The following ZSCAN1 variants were observed in gnomAD, a reference collection of about 807,000 sequenced individuals.
The protein encoded by ZSCAN1 is zinc finger and SCAN domain-containing protein 1.
In ZSCAN1, 23 loss-of-function variants were observed where a neutral mutation model predicts 23.8. The ratio of observed to expected loss-of-function variants is 0.97; its 90% CI spans 0.70 to 1.37. The LOEUF is 1.37. Among genes scored for constraint, ZSCAN1 ranks in the 40% most tolerant of loss-of-function variants. The pLI, the probability that ZSCAN1 is intolerant of heterozygous loss-of-function variation, is 0.00. For missense variants in ZSCAN1, 575 were observed against 554.0 expected (o/e 1.04, Z -0.38); for synonymous variants, 236 against 232.3 (o/e 1.02, Z -0.15).
Position 58,045,695 on chromosome 19 carries a change from C to A in ZSCAN1, c.465+5151C>A, listed in dbSNP as rs1162661931. On this transcript the variant is annotated intron_variant, in intron 4 of 5. Coordinates refer to ENST00000282326, the MANE Select transcript of ZSCAN1 (RefSeq NM_182572.4). This position sits in a 1 kb window ranked among gnomAD's most constrained non-coding sequence, Gnocchi z 4.3. ...AGCCTGAACGTCAAGGAGCTGCAGG[C>A]GGCATGTCGGGCACGAGGCATGCGG... The A allele has an allele frequency of 2.1e-6, 2 of 942,758 alleles. No homozygotes were observed. Among genetic ancestry groups the A allele is most frequent in the East Asian group, 2.4e-5 (1 of 41,404 alleles). The allele number at this position is 942,758 out of a possible 1,614,324, so 58.4% of individuals were successfully genotyped here. A position where few individuals can be genotyped will look rare whatever the true frequency, so the allele number is the denominator to read the frequency against.
chr19:58,036,488 CA>C (rs1372244636), intron 2 of ZSCAN1, among the ~76,000 whole-genome samples: 2 of 150,210 alleles, frequency 1.3e-5, no homozygotes, highest in Non-Finnish European at 3.0e-5. Flanking sequence ...GGAAAATGTA[CA>C]AAAGGTAACT....
intron 3 of ZSCAN1, among the ~76,000 whole-genome samples, chr19:58,039,432 A>C (rs144699134): frequency 6.6e-6 from 1 of 151,838 alleles, no homozygotes; most frequent in Non-Finnish European, 1.5e-5. Flanking sequence ...TTTTGAGCCT[A>C]TGAAACAGTA....
At chr19:58,038,416 G>T (rs535753482) in intron 3 of ZSCAN1, 1 of 654,548 alleles carries the variant, frequency 1.5e-6, no homozygotes, top group Non-Finnish European at 2.6e-6. Context: ...TCACTCAGTC[G>T]GTGATTAAAG....
In ZSCAN1 at chr19:58,052,623, T is replaced by TGCTGGGTGAGTCTGGCTC; in HGVS notation, c.600_604+13dup. 1.3e-6 allele frequency: 2 copies of TGCTGGGTGAGTCTGGCTC among 1,598,942 alleles called. No homozygotes were observed. Among genetic ancestry groups the TGCTGGGTGAGTCTGGCTC allele is most frequent in the Non-Finnish European group, 1.7e-6 (2 of 1,171,948 alleles). ...GCCGAAGCGCCCCGCGCCCCTGGCT[T>TGCTGGGTGAGTCTGGCTC]GCTGGGTGAGTCTGGCTCCTGTGTG... On this transcript the variant is annotated inframe_insertion, in exon 5 of 6. Coordinates refer to ENST00000282326, the MANE Select transcript of ZSCAN1 (RefSeq NM_182572.4).
rs371426023 is a variant in ZSCAN1 at position 58,040,719 on chromosome 19, C to T, written c.465+175C>T. On this transcript the variant is annotated intron_variant, in intron 4 of 5. Coordinates refer to ENST00000282326, the MANE Select transcript of ZSCAN1 (RefSeq NM_182572.4). The surrounding 1 kb of genome is among the most constrained non-coding windows in gnomAD (Gnocchi z 5.8). ...CACAGATTCCCCAAGCTTCCTGGGG[C>T]TCAGTGCTGGGCGAGGGCAGTCAGT... Among the ~76,000 whole-genome samples the T allele has an allele frequency of 1.1e-4, 16 of 152,230 alleles. No homozygotes were observed. Among genetic ancestry groups the T allele is most frequent in the African/African-American group, 3.6e-4 (15 of 41,468 alleles).
rs372170384 is a variant in ZSCAN1, at chr19:58,037,890, C to A, written c.54C>A (p.Thr18=). 3.2e-5 allele frequency: 51 copies of A among 1,579,172 alleles called. No homozygotes were observed. In the African/African-American group the frequency reaches 6.3e-4, roughly 20 times the overall value. ...CCCCCAGACGCCCCCAGACCCCAAC[C>A]CCGAGTGAGCAGGACGCAGACCCTG... ...PASPRRPQTP[T]PSEQDADPGP... is the part of the protein sequence containing the mutation. The change falls in exon 3 of 6, where the codon ACC becomes ACA. Residue 18 remains threonine (T), a synonymous_variant. Coordinates refer to ENST00000282326, the MANE Select transcript of ZSCAN1 (RefSeq NM_182572.4).
chr19:58,036,470 G>A (rs2073737103), intron 2 of ZSCAN1, among the ~76,000 whole-genome samples: 1 of 150,752 alleles, frequency 6.6e-6, no homozygotes, highest in Admixed American at 6.6e-5. Flanking sequence ...GTTCACCATA[G>A]TCGGCTTGGA....
chr19:58,041,068 TGA>T, intron 4 of ZSCAN1, among the ~76,000 whole-genome samples: 1 of 152,198 alleles, frequency 6.6e-6, no homozygotes, highest in East Asian at 1.9e-4. Context: ...CGCAGACACA[TGA>T]GAGAAATCCA....
chr19:58,050,810 C>T (rs112541767), intron 4 of ZSCAN1, among the ~76,000 whole-genome samples: 1,609 of 152,266 alleles, frequency 0.011, 31 homozygotes, highest in African/African-American at 0.036. Context: ...TGAGCCACCA[C>T]GCCTGGCCCC....
chr19:58,041,452 G>A (rs768157945), intron 4 of ZSCAN1, among the ~76,000 whole-genome samples: 15 of 152,236 alleles, frequency 9.9e-5, no homozygotes, highest in Non-Finnish European at 7.3e-5. Context: ...ACAAACTGGG[G>A]GGACCCCTTA....
At chr19:58,041,962 A>G (rs2073792375) in intron 4 of ZSCAN1, among the ~76,000 whole-genome samples, 1 of 152,194 alleles carries the variant, frequency 6.6e-6, no homozygotes, top group Admixed American at 6.5e-5. Flanking sequence ...CAAGTTCAGG[A>G]GTTCAAGGAA....
At chr19:58,043,604 A>G (rs964012398) in intron 4 of ZSCAN1, among the ~76,000 whole-genome samples, 7 of 151,086 alleles carry the variant, frequency 4.6e-5, no homozygotes, top group Non-Finnish European at 8.9e-5. Context: ...TGGCAACTAT[A>G]TTTCCTTCTT....
chr19:58,044,046 G>A (rs2073807342), intron 4 of ZSCAN1, among the ~76,000 whole-genome samples: 2 of 151,882 alleles, frequency 1.3e-5, no homozygotes, highest in African/African-American at 2.4e-5. Flanking sequence ...CGCGGCGGGC[G>A]GATCACTAGA....
Position 58,040,343 on chromosome 19 carries a change from G to A in ZSCAN1, c.371-107G>A. On this transcript the variant is annotated intron_variant, in intron 3 of 5. Transcript: ENST00000282326. This position sits in a 1 kb window ranked among gnomAD's most constrained non-coding sequence, Gnocchi z 5.8. ...GCAGCCACTCTTGCCTGCGCCTCAGGGGTGCTGCAGGGATGTTCGGGGAAA... is the reference window on the plus strand; with the variant it reads ...GCAGCCACTCTTGCCTGCGCCTCAGAGGTGCTGCAGGGATGTTCGGGGAAA... 8.7e-7 allele frequency: 1 copy of A among 1,153,076 alleles called. No homozygotes were observed. Among genetic ancestry groups the A allele is most frequent in the Non-Finnish European group, 1.3e-6 (1 of 782,828 alleles). The allele number at this position is 1,153,076 out of a possible 1,614,324, so 71.4% of individuals were successfully genotyped here.
intron 4 of ZSCAN1, among the ~76,000 whole-genome samples, chr19:58,051,395 C>T (rs2073857686): frequency 6.6e-6 from 1 of 152,202 alleles, no homozygotes; most frequent in South Asian, 2.1e-4. Flanking sequence ...CAGCCAAACA[C>T]ACCATCCACA....
At chr19:58,050,089 C>CTT (rs34901723) in intron 4 of ZSCAN1, among the ~76,000 whole-genome samples, 17 of 144,942 alleles carry the variant, frequency 1.2e-4, no homozygotes, top group Non-Finnish European at 1.7e-4. Context: ...CCACTCTTTC[C>CTT]TTTTTTTTTT....
chr19:58,038,800 GCT>G (rs1384545144), intron 3 of ZSCAN1, among the ~76,000 whole-genome samples: 1 of 152,246 alleles, frequency 6.6e-6, no homozygotes, highest in Admixed American at 6.5e-5. Context: ...CATGAGTGGG[GCT>G]CTTTCTTTCC....
chr19:58,037,067 C>T (rs1233129023), intron 2 of ZSCAN1, among the ~76,000 whole-genome samples: 1 of 152,162 alleles, frequency 6.6e-6, no homozygotes, highest in Non-Finnish European at 1.5e-5. Flanking sequence ...TCCTGGTCTC[C>T]ACCCCCAGCT....
In ZSCAN1 at chr19:58,045,522, G is replaced by T. The variant is rs8107033; in HGVS notation, c.465+4978G>T. 915,050 of 1,373,370 alleles carry T rather than the reference G, an allele frequency of 0.67. 308,177 individuals carry two copies. The highest frequency in any genetic ancestry group is 0.68 in the Non-Finnish European group (654,932 of 961,348). 85.1% of individuals were successfully genotyped at this position (1,373,370 alleles called of 1,614,324 possible). A position where few individuals can be genotyped will look rare whatever the true frequency, so the allele number is the denominator to read the frequency against. On this transcript the variant is annotated intron_variant, in intron 4 of 5. Coordinates refer to ENST00000282326, the MANE Select transcript of ZSCAN1 (RefSeq NM_182572.4). The surrounding 1 kb of genome is among the most constrained non-coding windows in gnomAD (Gnocchi z 4.3). ...CATGGGTTTTTCCAAATTATTTGAG[G>T]ATGAGCTGACCCTTGACAACCTGAC...
Sources: gnomAD v4.1 joint callset for allele counts (sites outside exome capture counted in the v4.1 genomes callset) on GRCh38, gnomAD v4.1.1 for gene constraint, Gnocchi (gnomAD v3.1) non-coding constraint, MANE v1.5 for transcripts, NCBI Gene and HGNC (gene_info 2026-07-23, HGNC 2026-07-21) for gene names.